Variants in BRDT observed in about 807,000 individuals in gnomAD.
The protein encoded by BRDT is bromodomain testis-specific protein.
In BRDT, 77 loss-of-function variants were observed where a neutral mutation model predicts 113.9. The observed-to-expected ratio is 0.68, with a 90% CI of 0.56 to 0.82. The LOEUF (loss-of-function observed/expected upper bound fraction) is 0.82, where lower values mean the gene tolerates loss of function less well. Ranked by LOEUF, BRDT falls within the 40% of genes least tolerant of loss-of-function variation. The pLI, the probability that BRDT is intolerant of heterozygous loss-of-function variation, is 0.00. For missense variants in BRDT, 1,027 were observed against 1,105.4 expected (o/e 0.93, Z 1.01); for synonymous variants, 358 against 366.5 (o/e 0.98, Z 0.26).
rs773354620 is a variant in BRDT, at chr1:91,981,161, G to A, written c.1733G>A (p.Arg578Lys). The change falls in exon 10 of 19, where the codon AGA (arginine) becomes AAA (lysine). Residue 578 changes from arginine to lysine, a missense_variant. Physicochemically the swap from Arg to Lys is conservative, Grantham distance 26 (BLOSUM62 2). Transcript: ENST00000399546. ...EKYVSACLRK[R>K]PLKPPAKKIM... ...TATGTTTCGGCATGTCTAAGAAAGAGACCATTAAAACCTCCTGGTATGTAT... is the reference window on the plus strand; with the variant it reads ...TATGTTTCGGCATGTCTAAGAAAGAAACCATTAAAACCTCCTGGTATGTAT... 7.5e-6 allele frequency: 12 copies of A among 1,610,000 alleles called. No homozygotes were observed. The South Asian group carries it at 1.2e-4, about 16-fold the overall frequency.
At chr1:91,995,094 A>G (rs1686177177) in intron 15 of BRDT, among the ~76,000 whole-genome samples, 2 of 152,038 alleles carry the variant, frequency 1.3e-5, no homozygotes, top group African/African-American at 2.4e-5. Flanking sequence ...GCCTGTCTCA[A>G]CTTGGTTCTG....
rs1687119639 is a variant in BRDT at position 92,004,498 on chromosome 1, C to T, written c.2473C>T (p.Leu825Phe). ...PSGVMKSSDELFNQFRKAAIE... is the reference protein window; with the variant it reads ...PSGVMKSSDEFFNQFRKAAIE... ...AGGTGTAATGAAATCCTCAGATGAG[C>T]TCTTCAACCAATTTAGAAAAGCAGC... is the stretch of plus-strand genomic sequence containing the variant. The change falls in exon 17 of 19, where the codon CTC becomes TTC. Residue 825 changes from leucine to phenylalanine, a missense_variant. Transcript: ENST00000399546. 1 of 1,613,182 alleles carries T rather than the reference C, an allele frequency of 6.2e-7. No individual in the cohort carries two copies.
intron 2 of BRDT, 125 bp downstream of exon 2, chr1:91,963,071 C>T (rs1682664297): frequency 1.4e-6 from 1 of 726,100 alleles, no homozygotes; most frequent in East Asian, 3.2e-5. Flanking sequence ...CGCCTATAAT[C>T]CCAGCACTTT....
Position 91,981,299 on chromosome 1 carries a change from T to C in BRDT, c.1782T>C (p.Leu594=). The change falls in exon 11 of 19, where the codon CTT becomes CTC. Residue 594 remains leucine, a synonymous_variant. Coordinates refer to ENST00000399546, the MANE Select transcript of BRDT (RefSeq NM_207189.4). The stretch of plus-strand genomic sequence containing the variant: ...AAATAATGATGTCCAAAGAAGAACT[T>C]CACTCACAGAAAAAACAGGAATTGG... ...AKKIMMSKEE[L]HSQKKQELEK... 1 of 1,614,148 alleles carries C rather than the reference T, an allele frequency of 6.2e-7. No homozygotes were observed.
At chr1:92,008,530 T>C (rs1687534899) in intron 18 of BRDT, among the ~76,000 whole-genome samples, 1 of 152,182 alleles carries the variant, frequency 6.6e-6, no homozygotes, top group South Asian at 2.1e-4. Flanking sequence ...GTAAAGTCTA[T>C]AGTTTACATT....
chr1:91,964,810 ATAG>A (rs1682882045), intron 3 of BRDT, 46 bp downstream of exon 3: 1 of 1,266,722 alleles, frequency 7.9e-7, no homozygotes, highest in Non-Finnish European at 1.1e-6. Flanking sequence ...GCCATTACAT[ATAG>A]GAGAGAAATG....
intron 1 of BRDT, among the ~76,000 whole-genome samples, chr1:91,955,201 A>G (rs943318661): frequency 6.6e-6 from 1 of 152,096 alleles, no homozygotes; most frequent in Non-Finnish European, 1.5e-5. Context: ...CAATCCTGTA[A>G]TCCCAGCGCT....
intron 11 of BRDT, 93 bp from the exon 12 acceptor site, chr1:91,981,525 T>C (rs1684730137): frequency 2.0e-5 from 31 of 1,565,378 alleles, no homozygotes; most frequent in Middle Eastern, 1.8e-4. Context: ...ATTACAGGCA[T>C]GCGCGACCAT....
At chr1:91,991,489 C>T (rs1685746468) in intron 13 of BRDT, among the ~76,000 whole-genome samples, 1 of 152,122 alleles carries the variant, frequency 6.6e-6, no homozygotes. Context: ...AGAACAAATT[C>T]TAGAAGCTTC....
chr1:91,976,403 G>A lies in BRDT; in HGVS notation c.583G>A (p.Ala195Thr), dbSNP rs746419321. The change falls in exon 5 of 19, where the codon GCT becomes ACT. Residue 195 changes from alanine to threonine, a missense_variant. Ala to Thr is a moderately conservative substitution (Grantham distance 58, BLOSUM62 0). Coordinates refer to ENST00000399546, the MANE Select transcript of BRDT (RefSeq NM_207189.4). ...SISPLNVVQGASVNSSSQTAA... is the reference protein window; with the variant it reads ...SISPLNVVQGTSVNSSSQTAA... ...TTCTCCCTTGAACGTGGTACAGGGA[G>A]CTTCAGTCAACTCCAGTTCACAAAC... 13 of 1,599,390 alleles carry A rather than the reference G, an allele frequency of 8.1e-6. No individual in the cohort carries two copies. Among genetic ancestry groups the A allele is most frequent in the Non-Finnish European group, 1.1e-5 (13 of 1,174,800 alleles).
intron 1 of BRDT, among the ~76,000 whole-genome samples, chr1:91,953,781 G>A (rs1681401455): frequency 6.6e-6 from 1 of 152,202 alleles, no homozygotes; most frequent in African/African-American, 2.4e-5. Flanking sequence ...ACAAGGGGAT[G>A]CTACACTATT....
At chr1:91,968,394 A>G in intron 4 of BRDT, 134 bp downstream of exon 4, 1 of 1,295,174 alleles carries the variant, frequency 7.7e-7, no homozygotes, top group South Asian at 1.7e-5. Context: ...AAAAATGTCC[A>G]TTTGAAACAA....
At chr1:91,977,543 A>G in intron 6 of BRDT, 150 bp downstream of exon 6, 1 of 666,754 alleles carries the variant, frequency 1.5e-6, no homozygotes, top group Non-Finnish European at 2.4e-6. Flanking sequence ...AAAATTTTAA[A>G]ATATATCTTT....
At chr1:91,966,204 C>G (rs1683051251) in intron 3 of BRDT, among the ~76,000 whole-genome samples, 1 of 152,024 alleles carries the variant, frequency 6.6e-6, no homozygotes, top group Non-Finnish European at 1.5e-5. Flanking sequence ...GTATCCTGTT[C>G]TAGCTGTTCT....
intron 3 of BRDT, 74 bp from the exon 4 acceptor site, chr1:91,968,072 G>C: frequency 6.7e-7 from 1 of 1,487,366 alleles, no homozygotes; most frequent in East Asian, 2.3e-5. Context: ...CTTCCATAAA[G>C]TGGGCTGAAT....
In BRDT at chr1:91,991,229, C is replaced by A; in HGVS notation, c.2048C>A (p.Ser683Tyr). 1 of 1,548,088 alleles carries A rather than the reference C, an allele frequency of 6.5e-7. No homozygotes were observed. Among genetic ancestry groups the A allele is most frequent in the South Asian group, 1.2e-5 (1 of 85,484 alleles). The change falls in exon 13 of 19, where the codon TCT becomes TAT. Residue 683 changes from serine to tyrosine, a missense_variant. Ser to Tyr is a moderately radical substitution (Grantham distance 144). Coordinates refer to ENST00000399546, the MANE Select transcript of BRDT (RefSeq NM_207189.4). ...GAAGTAAAACCAAATGATTCTCCTT[C>A]TAAAGAGAATGTAAAGGTAAGTGAA... The part of the protein sequence containing the change: ...FTEVKPNDSP[S>Y]KENVKKMKNE...
chr1:91,979,868 CTTTA>C, intron 8 of BRDT, 111 bp downstream of exon 8: 1 of 925,634 alleles, frequency 1.1e-6, no homozygotes, highest in Non-Finnish European at 1.5e-6. Flanking sequence ...ATAACTGTGG[CTTTA>C]TTTACTTATT....
intron 12 of BRDT, among the ~76,000 whole-genome samples, chr1:91,985,783 C>T (rs1363194367): frequency 6.6e-6 from 1 of 151,836 alleles, no homozygotes; most frequent in Non-Finnish European, 1.5e-5. Context: ...GGACTACAGG[C>T]GCCCGCCACC....
At chr1:91,989,283 A>G (rs1056691850) in intron 12 of BRDT, among the ~76,000 whole-genome samples, 1 of 152,156 alleles carries the variant, frequency 6.6e-6, no homozygotes, top group African/African-American at 2.4e-5. Context: ...GTATAGATAT[A>G]CATATATGAT....
Sources: gnomAD v4.1 joint callset for allele counts (sites outside exome capture counted in the v4.1 genomes callset) on GRCh38, gnomAD v4.1.1 for gene constraint, MANE v1.5 for transcripts, NCBI Gene and HGNC (gene_info 2026-07-23, HGNC 2026-07-21) for gene names.